The following LOC730098 variants were observed in gnomAD, a reference collection of about 807,000 sequenced individuals.
the LOC730098 span, chr9:34,665,084 G>A: frequency 3.3e-6 from 2 of 600,582 alleles, no homozygotes; most frequent in South Asian, 3.9e-5. Context: ...GGGCTGCGGC[G>A]GGGGAAGCCA....
At chr9:34,666,027 C>T in the LOC730098 span, 6 of 330,048 alleles carry the variant, frequency 1.8e-5, no homozygotes, top group East Asian at 6.8e-5. Context: ...CCCGCCCTCC[C>T]TGGCTCCACC....
the LOC730098 span, chr9:34,664,972 G>A: frequency 3.6e-6 from 2 of 557,978 alleles, no homozygotes; most frequent in South Asian, 2.4e-5. Flanking sequence ...GTGGGGAGGG[G>A]CGCTCGGCTC....
At chr9:34,665,527 T>TC in the LOC730098 span, 1 of 689,528 alleles carries the variant, frequency 1.5e-6, no homozygotes, top group Non-Finnish European at 2.6e-6. Flanking sequence ...AGGCTCGCCC[T>TC]GCCCACCCCT....
At chr9:34,665,842 C>A in the LOC730098 span, 2 of 604,516 alleles carry the variant, frequency 3.3e-6, no homozygotes, top group South Asian at 3.9e-5. Context: ...ATTTGGGAGG[C>A]ACTGGAAGTT....
At chr9:34,664,222 G>C in the LOC730098 span, 1 of 152,262 alleles carries the variant, frequency 6.6e-6, no homozygotes, top group East Asian at 1.9e-4. Context: ...TGTCGGTCCA[G>C]AAGTCTTCGG....
At chr9:34,665,877 C>T in the LOC730098 span, 1 of 591,346 alleles carries the variant, frequency 1.7e-6, no homozygotes, top group East Asian at 2.8e-5. Context: ...CCGGTCATCT[C>T]CGGGGCCTGG....
chr9:34,664,954 G>C, the LOC730098 span: 2 of 554,828 alleles, frequency 3.6e-6, no homozygotes, highest in African/African-American at 3.8e-5. Context: ...GTACGGAACA[G>C]AGCCCGTGTG....
chr9:34,665,269 C>G, the LOC730098 span: 2 of 701,752 alleles, frequency 2.9e-6, no homozygotes, highest in Non-Finnish European at 5.2e-6. Context: ...GAGACTGAGT[C>G]CCGTCCATGC....
the LOC730098 span, chr9:34,664,418 T>A: frequency 6.6e-6 from 1 of 152,272 alleles, no homozygotes; most frequent in African/African-American, 2.4e-5. Flanking sequence ...CAGGCCCACA[T>A]AGCAGTCCCT....
At chr9:34,664,968 AG>A in the LOC730098 span, 1 of 553,278 alleles carries the variant, frequency 1.8e-6, no homozygotes, top group Non-Finnish European at 3.2e-6. Context: ...CCGTGTGGGG[AG>A]GGGCGCTCGG....
At chr9:34,665,059 TGGGCAGCGGCGGTG>T in the LOC730098 span, 1 of 599,996 alleles carries the variant, frequency 1.7e-6, no homozygotes, top group Non-Finnish European at 3.0e-6. Flanking sequence ...ACTGGCTGGC[TGGGCAGCGGCGGTG>T]GGGCTGCGGC....
At chr9:34,665,802 T>C in the LOC730098 span, 1 of 634,160 alleles carries the variant, frequency 1.6e-6, no homozygotes, top group Non-Finnish European at 2.8e-6. Flanking sequence ...GAAGCCTCAG[T>C]TGCCACCACG....
chr9:34,665,534 C>A, the LOC730098 span: 1 of 688,964 alleles, frequency 1.5e-6, no homozygotes, highest in South Asian at 1.5e-5. Context: ...CCCTGCCCAC[C>A]CCTCGCCCCC....
chr9:34,665,947 C>T, the LOC730098 span: 1 of 512,426 alleles, frequency 2.0e-6, no homozygotes, highest in South Asian at 2.3e-5. Context: ...ATTTGGGGCC[C>T]TGGGTGAGGA....
At chr9:34,665,050 C>A in the LOC730098 span, 2 of 599,044 alleles carry the variant, frequency 3.3e-6, no homozygotes, top group Non-Finnish European at 5.9e-6. Context: ...CTTTAATGCA[C>A]TGGCTGGCTG....
chr9:34,665,804 G>A, the LOC730098 span: 2 of 634,032 alleles, frequency 3.2e-6, no homozygotes, highest in Non-Finnish European at 5.7e-6. Flanking sequence ...AGCCTCAGTT[G>A]CCACCACGGG....
the LOC730098 span, chr9:34,665,021 G>A: frequency 1.2e-5 from 7 of 590,514 alleles, no homozygotes; most frequent in South Asian, 2.0e-5. Context: ...AGGTCAGTAC[G>A]GTGGGCTTCG....
chr9:34,665,305 C>G, the LOC730098 span: 2 of 702,314 alleles, frequency 2.8e-6, no homozygotes, highest in Non-Finnish European at 5.2e-6. Flanking sequence ...GGTATCGCAG[C>G]CTCCTCACCT....
At chr9:34,665,553 C>T in the LOC730098 span, 3 of 670,502 alleles carry the variant, frequency 4.5e-6, no homozygotes, top group South Asian at 4.5e-5. Context: ...CCGCAGAACT[C>T]CACCCTCCCC....
Sources: allele counts gnomAD v4.1 joint callset, GRCh38; gene constraint gnomAD v4.1.1; transcripts MANE v1.5.